The following SMC6 variants were observed in gnomAD, a reference collection of about 807,000 sequenced individuals.
SMC6 encodes structural maintenance of chromosomes protein 6.
Under a neutral mutation model 142.2 loss-of-function variants are expected in SMC6, and 79 were observed. The observed-to-expected ratio is 0.56, with a 90% CI of 0.46 to 0.67. The LOEUF (loss-of-function observed/expected upper bound fraction) is 0.67, where lower values mean the gene tolerates loss of function less well. SMC6 is among the 30% of genes least tolerant of loss of function. The probability of loss-of-function intolerance (pLI) is 0.00; values close to 1 mark genes in which losing one functional copy is unlikely to be tolerated. For synonymous variants in SMC6, 411 were observed against 412.4 expected (o/e 1.00, Z 0.04); for missense variants, 1,072 against 1,284.0 (o/e 0.83, Z 2.52).
chr2:17,693,934 A>T (rs1476168542), intron 23 of SMC6, among the ~76,000 whole-genome samples: 1 of 144,820 alleles, frequency 6.9e-6, no homozygotes, highest in Non-Finnish European at 1.5e-5. Context: ...CGGGGGACAG[A>T]GGCTGCAGTG....
chr2:17,693,496 G>A (rs1397007078), intron 23 of SMC6, among the ~76,000 whole-genome samples: 1 of 151,924 alleles, frequency 6.6e-6, no homozygotes, highest in East Asian at 1.9e-4. Context: ...ATTGAACAAC[G>A]AGAACACATG....
chr2:17,716,837 ACT>A lies in SMC6; in HGVS notation c.1248_1249del (p.Arg416SerfsTer33). The A allele has an allele frequency of 6.2e-7, 1 of 1,612,674 alleles. No homozygotes were observed. Among genetic ancestry groups the A allele is most frequent in the Non-Finnish European group, 8.5e-7 (1 of 1,179,508 alleles). On this transcript the variant is annotated frameshift_variant, in exon 14 of 28. Transcript: ENST00000448223. LOFTEE classifies it high-confidence loss of function. ...ATTTTCTTGATTTTGAAAGGCCTTT[ACT>A]CTCTCTTTTAACCAAGATATTTTTT...
intron 5 of SMC6, among the ~76,000 whole-genome samples, chr2:17,735,152 A>G (rs1670091006): frequency 6.6e-6 from 1 of 152,150 alleles, no homozygotes; most frequent in South Asian, 2.1e-4. Context: ...GAAGACAGAG[A>G]CAACTGAGCT....
intron 3 of SMC6, among the ~76,000 whole-genome samples, chr2:17,742,916 CAT>C (rs1161333359): frequency 5.9e-5 from 9 of 152,168 alleles, no homozygotes; most frequent in East Asian, 1.9e-4. Flanking sequence ...CAGGATCCCA[CAT>C]GTTGCCCTTT....
intron 2 of SMC6, among the ~76,000 whole-genome samples, chr2:17,748,034 A>T (rs1033882020): frequency 6.6e-6 from 1 of 152,234 alleles, no homozygotes; most frequent in African/African-American, 2.4e-5. Context: ...AAGTGCAGCT[A>T]CAGGGGGATA....
In SMC6 at chr2:17,701,916, G is replaced by A; in HGVS notation, c.2143-7C>T. 2 of 1,462,832 alleles carry A rather than the reference G, an allele frequency of 1.4e-6. No homozygotes were observed. The highest frequency in any genetic ancestry group is 1.4e-5 in the African/African-American group (1 of 70,148). 90.6% of individuals were successfully genotyped at this position (1,462,832 alleles called of 1,614,324 possible). ...TATTTTTTCTTATTTTCATCTAAAAGAAAAGTATTTGGATTTTAGTAACAT... is the reference window on the plus strand; with the variant it reads ...TATTTTTTCTTATTTTCATCTAAAAAAAAAGTATTTGGATTTTAGTAACAT... On this transcript the variant is annotated splice_polypyrimidine_tract_variant and splice_region_variant and intron_variant, in intron 19 of 27. Transcript: ENST00000448223.
chr2:17,719,469 T>C (rs1312934157), intron 11 of SMC6, among the ~76,000 whole-genome samples: 1 of 152,120 alleles, frequency 6.6e-6, no homozygotes, highest in African/African-American at 2.4e-5. Flanking sequence ...ACATAGAGTA[T>C]GCAAATGCTT....
At position 17,696,290 on chromosome 2, in the gene SMC6, T is replaced by C; in HGVS notation, c.2531A>G (p.Glu844Gly). The change falls in exon 22 of 28, where the codon GAG (glutamate) becomes GGG (glycine). Residue 844 changes from glutamate to glycine, a missense_variant and splice_region_variant. Glu to Gly is a moderately conservative substitution (Grantham distance 98). Transcript: ENST00000448223. ...RELDMKEKELEEKMSQARQIC... is the reference protein window; with the variant it reads ...RELDMKEKELGEKMSQARQIC... ...AACTTGAAAAAAATGGTGAAAAACC[T>C]CTAGTTCTTTCTCTTTCATATCCAG... is the stretch of plus-strand genomic sequence containing the variant. The C allele has an allele frequency of 6.3e-7, 1 of 1,586,478 alleles. No individual in the cohort carries two copies. The highest frequency in any genetic ancestry group is 8.5e-7 in the Non-Finnish European group (1 of 1,173,584).
At chr2:17,748,922 C>T (rs961330169) in intron 2 of SMC6, among the ~76,000 whole-genome samples, 3 of 152,202 alleles carry the variant, frequency 2.0e-5, no homozygotes, top group African/African-American at 7.2e-5. Flanking sequence ...TACACCCAAA[C>T]ACTACGTGAT....
intron 23 of SMC6, among the ~76,000 whole-genome samples, chr2:17,693,380 T>C (rs565181151): frequency 5.5e-4 from 83 of 151,920 alleles, no homozygotes; most frequent in Non-Finnish European, 9.7e-4. Flanking sequence ...AAATGACGAG[T>C]TCATGTCCTT....
chr2:17,717,567 A>C (rs2125002247), intron 12 of SMC6, among the ~76,000 whole-genome samples: 1 of 152,316 alleles, frequency 6.6e-6, no homozygotes, highest in South Asian at 2.1e-4. Flanking sequence ...GGTACTCAGG[A>C]GACTGAGGCA....
intron 9 of SMC6, among the ~76,000 whole-genome samples, chr2:17,724,436 A>G (rs2125024483): frequency 6.6e-6 from 1 of 152,358 alleles, no homozygotes; most frequent in Admixed American, 6.5e-5. Context: ...TCATTAGTAT[A>G]ATCCTGCCTC....
intron 26 of SMC6, among the ~76,000 whole-genome samples, chr2:17,667,350 T>C (rs181738268): frequency 6.6e-6 from 1 of 152,246 alleles, no homozygotes; most frequent in Non-Finnish European, 1.5e-5. Context: ...TATCTTTAAA[T>C]AAGTTAAATA....
At position 17,716,736 on chromosome 2, in the gene SMC6, C is replaced by G; in HGVS notation, c.1346+5G>C. ...AAAAATCATTCTAAGGATGTTGCAA[C>G]TTACTTAATTTTGCCATGTTCTTCT... On this transcript the variant is annotated splice_donor_5th_base_variant and intron_variant, in intron 14 of 27. Transcript: ENST00000448223. 1 of 1,603,036 alleles carries G rather than the reference C, an allele frequency of 6.2e-7. No individual in the cohort carries two copies. Among genetic ancestry groups the G allele is most frequent in the Non-Finnish European group, 8.5e-7 (1 of 1,177,022 alleles).
In SMC6 at chr2:17,726,383, A is replaced by C; in HGVS notation, c.624+6T>G. On this transcript the variant is annotated splice_donor_region_variant and intron_variant, in intron 8 of 27. Transcript: ENST00000448223. ...ATGGGTTTATATTTACTTTGGTGCC[A>C]CTTACTTTGTATTTGTCTCCTTCAT... 2 of 1,605,902 alleles carry C rather than the reference A, an allele frequency of 1.2e-6. No homozygotes were observed. Among genetic ancestry groups the C allele is most frequent in the Non-Finnish European group, 1.7e-6 (2 of 1,175,534 alleles).
At chr2:17,674,871 A>G (rs1666930631) in intron 25 of SMC6, among the ~76,000 whole-genome samples, 1 of 151,996 alleles carries the variant, frequency 6.6e-6, no homozygotes, top group South Asian at 2.1e-4. Flanking sequence ...TGTATCTTTT[A>G]CCATATTTTA....
chr2:17,686,616 A>G (rs1667466991), intron 23 of SMC6, among the ~76,000 whole-genome samples: 1 of 152,142 alleles, frequency 6.6e-6, no homozygotes, highest in Non-Finnish European at 1.5e-5. Context: ...CAGGTACACA[A>G]TGCAGTTTAT....
At position 17,708,772 on chromosome 2, in the gene SMC6, G is replaced by T; in HGVS notation, c.1731-19C>A. 2.2e-6 allele frequency: 3 copies of T among 1,374,818 alleles called. No individual in the cohort carries two copies. The highest frequency in any genetic ancestry group is 1.9e-4 in the Middle Eastern group (1 of 5,304). The allele number at this position is 1,374,818 out of a possible 1,614,324, so 85.2% of individuals were successfully genotyped here. ...AGCAGCTCTAGGAGACAAAAATACA[G>T]AAGGATTAACTTAGCAAATTTTAAT... On this transcript the variant is annotated intron_variant, in intron 16 of 27. Coordinates refer to ENST00000448223, the MANE Select transcript of SMC6 (RefSeq NM_001142286.2).
chr2:17,703,359 C>T, intron 18 of SMC6, 67 bp from the exon 19 acceptor site: 2 of 1,422,226 alleles, frequency 1.4e-6, no homozygotes, highest in Middle Eastern at 2.0e-4. Context: ...ATACTTTAGA[C>T]CTTTACAAAG....
Sources: gnomAD v4.1 joint callset for allele counts (sites outside exome capture counted in the v4.1 genomes callset) on GRCh38, gnomAD v4.1.1 for gene constraint, MANE v1.5 for transcripts, NCBI Gene and HGNC (gene_info 2026-07-23, HGNC 2026-07-21) for gene names.